The following MINAR1 variants were observed in gnomAD, a reference collection of about 807,000 sequenced individuals.
The protein encoded by MINAR1 is major intrinsically disordered Notch2-binding receptor 1.
A neutral mutation model predicts 65.1 loss-of-function variants in MINAR1; 40 were observed. The observed-to-expected ratio is 0.61, with a 90% CI of 0.48 to 0.80. The LOEUF (loss-of-function observed/expected upper bound fraction) is 0.80, where lower values mean the gene tolerates loss of function less well. Ranked by LOEUF, MINAR1 falls within the 30% of genes least tolerant of loss-of-function variation. The pLI, the probability that MINAR1 is intolerant of heterozygous loss-of-function variation, is 0.00. For synonymous variants in MINAR1, 482 were observed against 449.1 expected (o/e 1.07, Z -0.93); for missense variants, 1,128 against 1,148.0 (o/e 0.98, Z 0.25).
Position 79,470,022 on chromosome 15 carries a change from G to T in MINAR1, c.*1638G>T, listed in dbSNP as rs536044219. On this transcript the variant is annotated 3_prime_UTR_variant, in exon 4 of 4. Coordinates refer to ENST00000305428, the MANE Select transcript of MINAR1 (RefSeq NM_015206.3). ...ACAGTTAATTTTATTATGTTAACAA[G>T]TGAGGGATGAATGTTTTCATCTGTG... is the stretch of plus-strand genomic sequence containing the variant. The T allele has an allele frequency of 6.5e-6, 1 of 152,698 alleles. No homozygotes were observed. The highest frequency in any genetic ancestry group is 2.1e-4 in the South Asian group (1 of 4,830). The allele number at this position is 152,698 out of a possible 1,614,324, so 9.5% of individuals were successfully genotyped here.
intron 2 of MINAR1, among the ~76,000 whole-genome samples, chr15:79,462,332 A>T (rs1375747118): frequency 6.6e-6 from 1 of 152,184 alleles, no homozygotes; most frequent in Non-Finnish European, 1.5e-5. Context: ...GCACTAACCC[A>T]GTCTTATAAC....
In MINAR1 at chr15:79,463,212, T is replaced by C. The variant is rs1895712460; in HGVS notation, c.2444T>C (p.Met815Thr). ...HMKSNPLYTDMRLTELAEVKR... is the reference protein window; with the variant it reads ...HMKSNPLYTDTRLTELAEVKR... ...AAGAGCAACCCCCTGTACACAGACA[T>C]GCGGCTGACCGAGTTGGCCGAGGTG... The change falls in exon 3 of 4, where the codon ATG becomes ACG. Residue 815 changes from methionine to threonine, a missense_variant. By Grantham distance (81) the Met-to-Thr change is moderately conservative. Transcript: ENST00000305428. 3 of 1,614,042 alleles carry C rather than the reference T, an allele frequency of 1.9e-6. No individual in the cohort carries two copies. Among genetic ancestry groups the C allele is most frequent in the East Asian group, 2.2e-5 (1 of 44,884 alleles).
chr15:79,431,200 TG>T (rs1314970396), upstream of MINAR1, among the ~76,000 whole-genome samples: 11 of 137,110 alleles, frequency 8.0e-5, no homozygotes, highest in South Asian at 1.8e-3. Flanking sequence ...GTGGTGGGGG[TG>T]GGGGTGTTGC....
At chr15:79,430,949 T>C (rs1270739639), upstream of MINAR1, among the ~76,000 whole-genome samples, 1 of 152,238 alleles carries the variant, frequency 6.6e-6, no homozygotes, top group Non-Finnish European at 1.5e-5. Flanking sequence ...AGATAATGAA[T>C]CTTGGGACTA....
At chr15:79,418,129 AG>A in the MINAR1 span, 1 of 152,222 alleles carries the variant, frequency 6.6e-6, no homozygotes, top group Non-Finnish European at 1.5e-5. Context: ...AAGGATGGGA[AG>A]GCTGTCAGTT....
intron 1 of MINAR1, among the ~76,000 whole-genome samples, chr15:79,443,757 T>C (rs1237333419): frequency 6.6e-6 from 1 of 152,204 alleles, no homozygotes; most frequent in African/African-American, 2.4e-5. Flanking sequence ...TTCAAAAGTG[T>C]TTGATAACAG....
chr15:79,413,948 A>G, the MINAR1 span: 3 of 152,232 alleles, frequency 2.0e-5, no homozygotes, highest in Non-Finnish European at 2.9e-5. Context: ...TCCACCTTCT[A>G]CTGAAAATGG....
intron 1 of MINAR1, among the ~76,000 whole-genome samples, chr15:79,452,149 G>A (rs117296172): frequency 7.2e-5 from 11 of 152,196 alleles, no homozygotes; most frequent in Admixed American, 3.3e-4. Context: ...GTGCGACAGC[G>A]TATGTGTGTG....
Position 79,457,345 on chromosome 15 carries a change from A to C in MINAR1, c.1198A>C (p.Ser400Arg). Residue 400 changes from serine to arginine, a missense_variant, in exon 2 of 4, where the codon AGC (serine) becomes CGC (arginine). Ser to Arg is a moderately radical substitution (Grantham distance 110). Coordinates refer to ENST00000305428, the MANE Select transcript of MINAR1 (RefSeq NM_015206.3). ...GAAGCTACACTATCCAAATGCCAGT[A>C]GCCAGACCCCCAATTTCCCAGCCCC... ...EEKLHYPNAS[S>R]QTPNFPAPER... The C allele has an allele frequency of 6.2e-7, 1 of 1,614,236 alleles. No individual in the cohort carries two copies. The highest frequency in any genetic ancestry group is 2.2e-5 in the East Asian group (1 of 44,884).
In MINAR1 at chr15:79,469,180, T is replaced by A. The variant is rs1384294918; in HGVS notation, c.*796T>A. ...TGAAAATCATGGCCACTCCAAAGGATCTCCTGTTCTTGCTTTGGTGTGTGG... is the reference window on the plus strand; with the variant it reads ...TGAAAATCATGGCCACTCCAAAGGAACTCCTGTTCTTGCTTTGGTGTGTGG... On this transcript the variant is annotated 3_prime_UTR_variant, in exon 4 of 4. Coordinates refer to ENST00000305428, the MANE Select transcript of MINAR1 (RefSeq NM_015206.3). 1 of 152,600 alleles carries A rather than the reference T, an allele frequency of 6.6e-6. No homozygotes were observed. Among genetic ancestry groups the A allele is most frequent in the African/African-American group, 2.4e-5 (1 of 41,430 alleles). 9.5% of individuals were successfully genotyped at this position (152,600 alleles called of 1,614,324 possible).
At chr15:79,420,389 A>C in the MINAR1 span, 4 of 152,238 alleles carry the variant, frequency 2.6e-5, no homozygotes, top group Non-Finnish European at 5.9e-5. Context: ...ACTCAAATCA[A>C]TACTTTTATA....
rs1219782192 is a variant in MINAR1, at chr15:79,470,441, G to T, written c.*2057G>T. 1.3e-5 allele frequency: 2 copies of T among 150,766 alleles called. No homozygotes were observed. Among genetic ancestry groups the T allele is most frequent in the African/African-American group, 5.0e-5 (2 of 40,074 alleles). 9.3% of individuals were successfully genotyped at this position (150,766 alleles called of 1,614,324 possible). A position where few individuals can be genotyped will look rare whatever the true frequency, so the allele number is the denominator to read the frequency against. On this transcript the variant is annotated 3_prime_UTR_variant, in exon 4 of 4. Coordinates refer to ENST00000305428, the MANE Select transcript of MINAR1 (RefSeq NM_015206.3). Reference sequence around the variant, plus strand: ...CTTGCTCTGGATTTGCAGAAGAGGGGGAGATGTACTTACCCAGGATAAGAA... The same window carrying T: ...CTTGCTCTGGATTTGCAGAAGAGGGTGAGATGTACTTACCCAGGATAAGAA...
intron 1 of MINAR1, among the ~76,000 whole-genome samples, chr15:79,449,459 G>A (rs1028259232): frequency 1.3e-5 from 2 of 152,194 alleles, no homozygotes; most frequent in East Asian, 3.8e-4. Flanking sequence ...CAAGATCAAG[G>A]TGCCAGTTTC....
rs371722262 is a variant in MINAR1 at position 79,454,505 on chromosome 15, G to A, written c.-50-1593G>A. Among the ~76,000 whole-genome samples the A allele has an allele frequency of 4.1e-4, 62 of 152,318 alleles. 1 individual carries two copies. In the East Asian group the frequency reaches 7.3e-3, roughly 18 times the overall value. Reference sequence around the variant, plus strand: ...ATGCGACCAGGGAAATGAACACATTGTGTAATTTGATGTGTGTCTGTAAGT... The same window carrying A: ...ATGCGACCAGGGAAATGAACACATTATGTAATTTGATGTGTGTCTGTAAGT... On this transcript the variant is annotated intron_variant, in intron 1 of 3. Coordinates refer to ENST00000305428, the MANE Select transcript of MINAR1 (RefSeq NM_015206.3).
upstream of MINAR1, among the ~76,000 whole-genome samples, chr15:79,429,674 G>A (rs1894394393): frequency 6.6e-6 from 1 of 152,208 alleles, no homozygotes; most frequent in South Asian, 2.1e-4. Context: ...GGAGGGTGGT[G>A]CCATGAATTC....
chr15:79,465,560 T>C (rs1480509714), intron 3 of MINAR1, among the ~76,000 whole-genome samples: 3 of 152,134 alleles, frequency 2.0e-5, no homozygotes, highest in Non-Finnish European at 4.4e-5. Context: ...TTTCACACAC[T>C]GAATCCCAGC....
chr15:79,459,304 G>GT (rs554996941), intron 2 of MINAR1, among the ~76,000 whole-genome samples: 50 of 152,090 alleles, frequency 3.3e-4, no homozygotes, highest in Non-Finnish European at 6.3e-4. Context: ...GCTCTTTCAC[G>GT]TAAGCTCTGT....
chr15:79,433,558 C>T (rs963586018), intron 1 of MINAR1, among the ~76,000 whole-genome samples: 3 of 152,184 alleles, frequency 2.0e-5, no homozygotes, highest in Non-Finnish European at 4.4e-5. Flanking sequence ...ATGCCGCCAT[C>T]CCTGAGGCTG....
At position 79,458,026 on chromosome 15, in the gene MINAR1, C is replaced by T. The variant is rs138135107; in HGVS notation, c.1879C>T (p.Leu627=). The T allele has an allele frequency of 3.8e-5, 61 of 1,614,140 alleles. No individual in the cohort carries two copies. The Admixed American group carries it at 6.2e-4, about 16-fold the overall frequency. ...RDEISQVLGK[L]NKLDQKMQQP... is the part of the protein sequence containing the mutation. ...TGAAATCTCCCAGGTCTTGGGCAAA[C>T]TAAATAAATTGGACCAGAAAATGCA... The change falls in exon 2 of 4, where the codon CTA becomes TTA. Residue 627 remains leucine, a synonymous_variant. Coordinates refer to ENST00000305428, the MANE Select transcript of MINAR1 (RefSeq NM_015206.3).
Sources: gnomAD v4.1 joint callset for allele counts (sites outside exome capture counted in the v4.1 genomes callset) on GRCh38, gnomAD v4.1.1 for gene constraint, MANE v1.5 for transcripts, NCBI Gene and HGNC (gene_info 2026-07-23, HGNC 2026-07-21) for gene names.